The following NEBL variants were observed in gnomAD, a reference collection of about 807,000 sequenced individuals.
NEBL encodes the protein nebulette, also known as LIM and SH3 protein 2.
Under a neutral mutation model 140.2 loss-of-function variants are expected in NEBL, and 122 were observed. The observed-to-expected ratio is 0.87, with a 90% CI of 0.75 to 1.01. The LOEUF (loss-of-function observed/expected upper bound fraction) is 1.01. Among genes scored for constraint, NEBL ranks in the 50% least tolerant of loss-of-function variants. The pLI is 0.00. For synonymous variants in NEBL, 436 were observed against 398.9 expected, an observed-to-expected ratio of 1.09 and a Z score of -1.11; for missense variants, 1,365 against 1,231.3, an observed-to-expected ratio of 1.11 and a Z score of -1.62.
chr10:20,793,325 G>T, intron 26 of NEBL: 1 of 959,690 alleles, frequency 1.0e-6, no homozygotes, highest in African/African-American at 1.8e-5. Flanking sequence ...AATAAAAGCA[G>T]TCATTACTGT....
intron 2 of NEBL, among the ~76,000 whole-genome samples, chr10:21,119,339 A>G (rs1165440147): frequency 2.6e-5 from 4 of 151,966 alleles, no homozygotes; most frequent in Non-Finnish European, 5.9e-5. Flanking sequence ...ATCTAGATTC[A>G]CCAATCACCA....
intron 3 of NEBL, among the ~76,000 whole-genome samples, chr10:20,989,216 C>G (rs1230271281): frequency 6.6e-6 from 1 of 152,088 alleles, no homozygotes; most frequent in Non-Finnish European, 1.5e-5. Context: ...TCGAGGCAGC[C>G]AAAATCTTAA....
chr10:21,035,405 T>G (rs1015137003), intron 2 of NEBL, among the ~76,000 whole-genome samples: 2 of 151,982 alleles, frequency 1.3e-5, no homozygotes, highest in Non-Finnish European at 2.9e-5. Context: ...TACAACCTTG[T>G]CAACTACTGT....
chr10:20,907,555 T>C (rs1241003587), intron 4 of NEBL, among the ~76,000 whole-genome samples: 3 of 152,182 alleles, frequency 2.0e-5, no homozygotes, highest in Non-Finnish European at 2.9e-5. Flanking sequence ...GATAACCGAA[T>C]TTAAGCAAAC....
chr10:21,288,818 G>GTGTGTATGTATATATATATATATA (rs1843098630), intron 1 of NEBL, among the ~76,000 whole-genome samples: 1 of 32,668 alleles, frequency 3.1e-5, no homozygotes, highest in African/African-American at 1.1e-4. Flanking sequence ...ACGTGTGTGT[G>GTGTGTATGTATATATATATATATA]TGTATATATA....
chr10:21,067,581 A>G (rs1835624621), intron 2 of NEBL, among the ~76,000 whole-genome samples: 1 of 152,228 alleles, frequency 6.6e-6, no homozygotes, highest in African/African-American at 2.4e-5. Flanking sequence ...GAAAGATTAC[A>G]TTTATTTCAT....
At chr10:21,216,548 G>A (rs755304914) in intron 3 of NEBL, among the ~76,000 whole-genome samples, 16 of 151,924 alleles carry the variant, frequency 1.1e-4, no homozygotes, top group Non-Finnish European at 1.5e-4. Flanking sequence ...CAAGGTAGGC[G>A]GATCATGAGG....
At chr10:20,972,976 C>T (rs781321031) in intron 3 of NEBL, among the ~76,000 whole-genome samples, 15 of 152,048 alleles carry the variant, frequency 9.9e-5, no homozygotes, top group African/African-American at 1.7e-4. Flanking sequence ...CACTAATTCA[C>T]GTCTTCCATA....
chr10:21,143,977 G>A (rs1839768306), intron 2 of NEBL, among the ~76,000 whole-genome samples: 2 of 152,110 alleles, frequency 1.3e-5, no homozygotes, highest in South Asian at 4.1e-4. Context: ...AAGAAATGAT[G>A]ATTATTCGAA....
At chr10:20,895,940 A>G (rs935981152) in intron 2 of NEBL, among the ~76,000 whole-genome samples, 1 of 152,206 alleles carries the variant, frequency 6.6e-6, no homozygotes, top group Non-Finnish European at 1.5e-5. Flanking sequence ...GTTACAGCTG[A>G]GGGATGGAGC....
chr10:20,809,950 G>GAAAAAAAA (rs200571909), intron 24 of NEBL, 52 bp from the exon 25 acceptor site: 4 of 683,188 alleles, frequency 5.9e-6, no homozygotes, highest in Non-Finnish European at 4.8e-6. Flanking sequence ...TTTAAAAAAG[G>GAAAAAAAA]AAAAAAAAAA....
Position 21,097,228 on chromosome 10 carries a change from G to A in NEBL, c.164+75155C>T, listed in dbSNP as rs201963477. Among the ~76,000 whole-genome samples the A allele has an allele frequency of 3.9e-3, 554 of 141,732 alleles. 22 individuals are homozygous for A. Among genetic ancestry groups the A allele is most frequent in the East Asian group, 0.016 (71 of 4,536 alleles). 93.0% of individuals were successfully genotyped at this position (141,732 alleles called of 152,430 possible). On this transcript the variant is annotated intron_variant, in intron 2 of 6. Coordinates refer to the NEBL transcript ENST00000417816. ...AGCACTTTGGGAGGTCCGGGGGGGG[G>A]GTGGGGCAGATCACAAGGTCAGGGG...
chr10:20,783,208 C>G lies in NEBL; in HGVS notation c.*2539G>C, dbSNP rs528976351. ...TTAAATGATGCTTTTAAAAATAGCA[C>G]TTTGGTTTTATACATATAATTTTCC... On this transcript the variant is annotated 3_prime_UTR_variant, in exon 28 of 28. Coordinates refer to ENST00000377122, the MANE Select transcript of NEBL (RefSeq NM_006393.3). The G allele has an allele frequency of 1.3e-5, 2 of 152,348 alleles. No homozygotes were observed. The highest frequency in any genetic ancestry group is 4.1e-4 in the South Asian group (2 of 4,820). The allele number at this position is 152,348 out of a possible 1,614,324, so 9.4% of individuals were successfully genotyped here.
At position 21,124,881 on chromosome 10, in the gene NEBL, G is replaced by T. The variant is rs971024995; in HGVS notation, c.164+47502C>A. Among the ~76,000 whole-genome samples, 5 of 152,192 alleles carry T rather than the reference G, an allele frequency of 3.3e-5. No individual in the cohort carries two copies. In the East Asian group the frequency reaches 7.7e-4, roughly 23 times the overall value. On this transcript the variant is annotated intron_variant, in intron 2 of 6. Transcript: ENST00000417816. Reference sequence around the variant, plus strand: ...GAGACTGAGGCAGGAGGATGTTTGAGCCCAGAAGTTTGAGGCTGCAGTGAG... The same window carrying T: ...GAGACTGAGGCAGGAGGATGTTTGATCCCAGAAGTTTGAGGCTGCAGTGAG...
intron 3 of NEBL, among the ~76,000 whole-genome samples, chr10:20,997,510 A>C (rs1837720735): frequency 7.5e-6 from 1 of 133,012 alleles, no homozygotes; most frequent in East Asian, 2.6e-4. Context: ...AAAAAAAAAA[A>C]AAAACAGAAC....
At chr10:20,922,399 A>C (rs1419433640) in intron 4 of NEBL, among the ~76,000 whole-genome samples, 2 of 152,206 alleles carry the variant, frequency 1.3e-5, no homozygotes, top group Non-Finnish European at 2.9e-5. Context: ...GGATGTGTAC[A>C]GTGATACTCC....
chr10:21,100,293 A>G, intron 2 of NEBL, among the ~76,000 whole-genome samples: 1 of 152,102 alleles, frequency 6.6e-6, no homozygotes, highest in East Asian at 1.9e-4. Flanking sequence ...TGTGCTGTTG[A>G]CTGTGTTTCT....
chr10:21,117,756 T>C (rs1589251779), intron 2 of NEBL, among the ~76,000 whole-genome samples: 1 of 152,138 alleles, frequency 6.6e-6, no homozygotes, highest in Non-Finnish European at 1.5e-5. Context: ...TTTTCGGCTG[T>C]TCTCTCAAAT....
intron 26 of NEBL, among the ~76,000 whole-genome samples, chr10:20,798,555 C>G (rs1258620543): frequency 6.6e-6 from 1 of 152,164 alleles, no homozygotes; most frequent in Non-Finnish European, 1.5e-5. Context: ...ATTTCATTTG[C>G]TAATGTTCAA....
Sources: allele counts gnomAD v4.1 joint callset (sites outside exome capture counted in the v4.1 genomes callset), GRCh38; gene constraint gnomAD v4.1.1; transcripts MANE v1.5; gene names NCBI Gene and HGNC (gene_info 2026-07-23, HGNC 2026-07-21).